RNF122: variants seen among roughly 807,000 people sequenced by gnomAD.
RNF122 encodes the protein ring finger protein 122.
In RNF122, 17 loss-of-function variants were observed where a neutral mutation model predicts 24.2. The observed-to-expected ratio is 0.70, with a 90% CI of 0.48 to 1.06. The LOEUF (loss-of-function observed/expected upper bound fraction) is 1.06. RNF122 is among the 50% of genes least tolerant of loss of function. RNF122 has a pLI of 0.00. For missense variants in RNF122, 168 were observed against 198.1 expected, an observed-to-expected ratio of 0.85 and a Z score of 0.91; for synonymous variants, 65 against 71.8, an observed-to-expected ratio of 0.91 and a Z score of 0.48.
intron 1 of RNF122, among the ~76,000 whole-genome samples, chr8:33,564,887 T>TA (rs1284028457): frequency 6.6e-6 from 1 of 151,220 alleles, no homozygotes; most frequent in African/African-American, 2.4e-5. Context: ...AAATAAAAAA[T>TA]AAAAAATAAA....
intron 3 of RNF122, 86 bp from the exon 4 acceptor site, chr8:33,551,171 C>T: frequency 6.6e-7 from 1 of 1,516,408 alleles, no homozygotes; most frequent in South Asian, 1.1e-5. Context: ...AGGGAGTCCC[C>T]TGGACTGCCT....
chr8:33,552,387 G>A (rs1342815353), intron 2 of RNF122, among the ~76,000 whole-genome samples: 6 of 151,804 alleles, frequency 4.0e-5, no homozygotes, highest in African/African-American at 1.2e-4. Context: ...CAACAAGAGC[G>A]AAACTCTGTC....
chr8:33,553,280 G>T (rs1162145518), intron 2 of RNF122, among the ~76,000 whole-genome samples: 2 of 151,754 alleles, frequency 1.3e-5, no homozygotes, highest in Non-Finnish European at 2.9e-5. Flanking sequence ...GCTAAGAGTG[G>T]TTTTTATTCT....
intron 2 of RNF122, among the ~76,000 whole-genome samples, chr8:33,556,356 C>A (rs1014476516): frequency 2.0e-5 from 3 of 152,240 alleles, no homozygotes; most frequent in African/African-American, 7.2e-5. Context: ...TCAAGCGACT[C>A]TCCTGCCTTG....
At chr8:33,565,705 T>G (rs1271727006) in intron 1 of RNF122, among the ~76,000 whole-genome samples, 1 of 152,018 alleles carries the variant, frequency 6.6e-6, no homozygotes, top group Non-Finnish European at 1.5e-5. Context: ...GGGCGAGGGG[T>G]TGTCGCGTCT....
Position 33,549,508 on chromosome 8 carries a change from A to G in RNF122, c.271-16T>C, listed in dbSNP as rs759672229. 1.1e-5 allele frequency: 18 copies of G among 1,605,094 alleles called. No homozygotes were observed. In the East Asian group the frequency reaches 2.9e-4, roughly 26 times the overall value. On this transcript the variant is annotated splice_polypyrimidine_tract_variant and intron_variant, in intron 4 of 5. Transcript: ENST00000256257. ...CGCAGGTCTGCTGCAGAGAGAAAAGAGCAGGTGTGTGAGGAACTGGGGAAC... is the reference window on the plus strand; with the variant it reads ...CGCAGGTCTGCTGCAGAGAGAAAAGGGCAGGTGTGTGAGGAACTGGGGAAC...
chr8:33,562,672 C>T (rs546826643), intron 1 of RNF122, among the ~76,000 whole-genome samples: 2 of 152,202 alleles, frequency 1.3e-5, no homozygotes, highest in South Asian at 2.1e-4. Context: ...GCCTGTAATC[C>T]CAACACTTTG....
intron 1 of RNF122, among the ~76,000 whole-genome samples, chr8:33,564,903 T>A (rs1420775725): frequency 1.6e-4 from 25 of 151,686 alleles, no homozygotes; most frequent in African/African-American, 5.8e-4. Flanking sequence ...ATAAAAAAAA[T>A]AAAGCAGCAA....
chr8:33,549,359 C>T, intron 5 of RNF122, 51 bp downstream of exon 5: 2 of 1,435,536 alleles, frequency 1.4e-6, no homozygotes, highest in Non-Finnish European at 2.0e-6. Flanking sequence ...CCAGAAGATG[C>T]TCCCTGATTA....
chr8:33,551,478 C>T (rs1209788762), intron 2 of RNF122, 89 bp from the exon 3 acceptor site: 19 of 1,375,644 alleles, frequency 1.4e-5, no homozygotes, highest in African/African-American at 5.8e-5. Flanking sequence ...GGCATTCTTC[C>T]GAGGGCAGGG....
intron 5 of RNF122, among the ~76,000 whole-genome samples, chr8:33,549,175 C>G (rs1426629485): frequency 1.3e-5 from 2 of 151,066 alleles, no homozygotes; most frequent in African/African-American, 4.9e-5. Context: ...GAGCTGAGAT[C>G]GCACCATTGC....
intron 1 of RNF122, among the ~76,000 whole-genome samples, chr8:33,565,823 G>A (rs1201620384): frequency 2.0e-5 from 3 of 152,168 alleles, no homozygotes; most frequent in African/African-American, 2.4e-5. Context: ...ACAGCCGGGC[G>A]CGGAGCTCTC....
intron 1 of RNF122, among the ~76,000 whole-genome samples, chr8:33,562,054 G>T (rs1168627897): frequency 6.6e-6 from 1 of 151,980 alleles, no homozygotes; most frequent in Admixed American, 6.6e-5. Flanking sequence ...TGCCTGAAAC[G>T]CTCTCTCTGA....
At chr8:33,554,879 G>A (rs1249066084) in intron 2 of RNF122, among the ~76,000 whole-genome samples, 5 of 152,226 alleles carry the variant, frequency 3.3e-5, no homozygotes, top group Non-Finnish European at 4.4e-5. Flanking sequence ...AATGAGCGAG[G>A]GGCTGGCCTT....
At chr8:33,564,153 G>A (rs958846564) in intron 1 of RNF122, among the ~76,000 whole-genome samples, 1 of 152,146 alleles carries the variant, frequency 6.6e-6, no homozygotes, top group African/African-American at 2.4e-5. Flanking sequence ...GAGAATACCA[G>A]CCCCAGGAAA....
rs570182812 is a variant in RNF122, at chr8:33,552,304, C to G, written c.183-915G>C. Among the ~76,000 whole-genome samples, 12 of 152,164 alleles carry G rather than the reference C, an allele frequency of 7.9e-5. No individual in the cohort carries two copies. In the East Asian group the frequency reaches 2.1e-3, roughly 27 times the overall value. ...ATCCTAGCTACTTGGGAGACTGAGG[C>G]AGGAGAATCGATTGAACCCAGGAGA... On this transcript the variant is annotated intron_variant, in intron 2 of 5. Coordinates refer to ENST00000256257, the MANE Select transcript of RNF122 (RefSeq NM_024787.3).
Position 33,566,699 on chromosome 8 carries a change from C to G in RNF122, c.25G>C (p.Gly9Arg). MHPFQWCN[G>R]CFCGLGLVST... ...CTCGGCCCTCGCCCCGGGGACTCACCGTTACACCACTGGAATGGGTGCATC... is the reference window on the plus strand; with the variant it reads ...CTCGGCCCTCGCCCCGGGGACTCACGGTTACACCACTGGAATGGGTGCATC... The change falls in exon 1 of 6, where the codon GGG (glycine) becomes CGG (arginine). Residue 9 changes from glycine to arginine, a missense_variant and splice_region_variant. Transcript: ENST00000256257. 6.2e-7 allele frequency: 1 copy of G among 1,603,960 alleles called. No individual in the cohort carries two copies. Among genetic ancestry groups the G allele is most frequent in the Non-Finnish European group, 8.5e-7 (1 of 1,176,204 alleles).
At chr8:33,561,750 A>G (rs1289931993) in intron 1 of RNF122, among the ~76,000 whole-genome samples, 1 of 151,962 alleles carries the variant, frequency 6.6e-6, no homozygotes, top group Non-Finnish European at 1.5e-5. Context: ...ACCATGTTGG[A>G]CAGTCTGGTC....
At chr8:33,549,736 A>G (rs966345862) in intron 4 of RNF122, among the ~76,000 whole-genome samples, 3 of 151,900 alleles carry the variant, frequency 2.0e-5, no homozygotes, top group Non-Finnish European at 4.4e-5. Flanking sequence ...CCACATTTCA[A>G]GTGCTCAACA....
Sources: gnomAD v4.1 joint callset for allele counts (sites outside exome capture counted in the v4.1 genomes callset) on GRCh38, gnomAD v4.1.1 for gene constraint, MANE v1.5 for transcripts, NCBI Gene and HGNC (gene_info 2026-07-23, HGNC 2026-07-21) for gene names.